The following CCDC30 variants were observed in gnomAD, a reference collection of about 807,000 sequenced individuals.
The protein encoded by CCDC30 is coiled-coil domain-containing protein 30.
A neutral mutation model predicts 100.2 loss-of-function variants in CCDC30; 70 were observed. That is an observed-to-expected ratio of 0.70 (90% CI 0.58 to 0.85). CCDC30 has a LOEUF of 0.85. Among genes scored for constraint, CCDC30 ranks in the 40% least tolerant of loss-of-function variants. The probability of loss-of-function intolerance (pLI) is 0.00; values close to 1 mark genes in which losing one functional copy is unlikely to be tolerated. For synonymous variants in CCDC30, 233 were observed against 269.5 expected, an observed-to-expected ratio of 0.86 and a Z score of 1.33; for missense variants, 652 against 771.2, an observed-to-expected ratio of 0.85 and a Z score of 1.83.
At chr1:42,537,816 A>G (rs1278249918) in intron 6 of CCDC30, 1 of 158,094 alleles carries the variant, frequency 6.3e-6, no homozygotes. Flanking sequence ...CCGAAAATAC[A>G]AAATTAGCCA....
At chr1:42,618,831 G>T (rs943043980) in intron 11 of CCDC30, among the ~76,000 whole-genome samples, 2 of 152,108 alleles carry the variant, frequency 1.3e-5, no homozygotes, top group Non-Finnish European at 2.9e-5. Flanking sequence ...CACATATCAG[G>T]CAGTAAGAAA....
chr1:42,456,645 C>A, the CCDC30 span: 1 of 1,582,998 alleles, frequency 6.3e-7, no homozygotes. Flanking sequence ...GCTCGCTTCG[C>A]GGCCAGGCTG....
At chr1:42,486,444 T>C (rs1370840418) in intron 3 of CCDC30, among the ~76,000 whole-genome samples, 1 of 152,222 alleles carries the variant, frequency 6.6e-6, no homozygotes, top group East Asian at 1.9e-4. Flanking sequence ...ATGTGGTCCA[T>C]GCAGAACACC....
intron 9 of CCDC30, among the ~76,000 whole-genome samples, chr1:42,583,222 G>A (rs1646002559): frequency 6.6e-6 from 1 of 152,166 alleles, no homozygotes; most frequent in South Asian, 2.1e-4. Context: ...AAGCATCAAT[G>A]ACTTCAGCAT....
chr1:42,629,489 G>A (rs1451843699), intron 11 of CCDC30, among the ~76,000 whole-genome samples: 1 of 152,134 alleles, frequency 6.6e-6, no homozygotes, highest in East Asian at 1.9e-4. Context: ...ATTATTAAAT[G>A]TCTTGAGGTA....
chr1:42,516,993 T>C lies in CCDC30; in HGVS notation c.456+18077T>C, dbSNP rs1644564933. 2.0e-5 allele frequency among the ~76,000 whole-genome samples: 3 copies of C among 152,240 alleles called. No individual in the cohort carries two copies. The South Asian group carries it at 6.2e-4, about 31-fold the overall frequency. On this transcript the variant is annotated intron_variant, in intron 6 of 16. Coordinates refer to ENST00000668663, the Ensembl canonical transcript of CCDC30. ...TTCTTATAAGTTTTAAAGTTCTCTG[T>C]ATATTCTAGATGTTAATATTCCTTA...
chr1:42,466,621 G>A (rs1377136971), intron 1 of CCDC30, among the ~76,000 whole-genome samples: 1 of 151,096 alleles, frequency 6.6e-6, no homozygotes, highest in Non-Finnish European at 1.5e-5. Flanking sequence ...TTGAGATCTC[G>A]GCTCACTGCA....
the CCDC30 span, chr1:42,456,552 C>T: frequency 5.7e-5 from 83 of 1,456,086 alleles, no homozygotes; most frequent in Non-Finnish European, 7.3e-5. Context: ...CAGGCGCCGG[C>T]CGCTGCGCTG....
chr1:42,528,197 A>G (rs928186730), intron 6 of CCDC30, among the ~76,000 whole-genome samples: 11 of 152,246 alleles, frequency 7.2e-5, no homozygotes, highest in Admixed American at 7.2e-4. Context: ...AATGAAGTCT[A>G]GAACAAACCA....
chr1:42,470,437 A>G (rs1338088334), intron 1 of CCDC30, among the ~76,000 whole-genome samples: 1 of 152,226 alleles, frequency 6.6e-6, no homozygotes, highest in East Asian at 1.9e-4. Context: ...ACATAGAATT[A>G]TATATCTAAC....
intron 6 of CCDC30, among the ~76,000 whole-genome samples, chr1:42,553,044 A>G (rs879902882): frequency 1.2e-4 from 18 of 152,122 alleles, no homozygotes; most frequent in African/African-American, 4.1e-4. Flanking sequence ...TAGGCTCCCA[A>G]TTTGGGCTTT....
upstream of CCDC30, among the ~76,000 whole-genome samples, chr1:42,461,170 A>AG (rs1293051820): frequency 6.6e-6 from 1 of 152,230 alleles, no homozygotes; most frequent in Non-Finnish European, 1.5e-5. Context: ...GGAGTAGGGA[A>AG]GGGTAGCCCC....
intron 6 of CCDC30, among the ~76,000 whole-genome samples, chr1:42,501,854 A>G (rs751099685): frequency 1.1e-4 from 17 of 151,932 alleles, no homozygotes; most frequent in Non-Finnish European, 2.1e-4. Flanking sequence ...ATGAGGTGTC[A>G]GTCTGCCCCT....
At chr1:42,600,888 G>A (rs1646392296) in intron 10 of CCDC30, among the ~76,000 whole-genome samples, 2 of 150,938 alleles carry the variant, frequency 1.3e-5, no homozygotes, top group African/African-American at 4.9e-5. Context: ...ACTCACTGTG[G>A]TAAGACATGT....
At position 42,500,081 on chromosome 1, in the gene CCDC30, G is replaced by A. The variant is rs557060499; in HGVS notation, c.456+1165G>A. On this transcript the variant is annotated intron_variant, in intron 6 of 16. Coordinates refer to ENST00000668663, the Ensembl canonical transcript of CCDC30. ...TCAGTAGTTCTTTGATGTGAAAGGGGCAGCACAGTCATTTAAACTTGATCC... is the reference window on the plus strand; with the variant it reads ...TCAGTAGTTCTTTGATGTGAAAGGGACAGCACAGTCATTTAAACTTGATCC... 798 of 900,580 alleles carry A rather than the reference G, an allele frequency of 8.9e-4. 4 individuals are homozygous for A. Among genetic ancestry groups the A allele is most frequent in the Non-Finnish European group, 3.9e-4 (211 of 545,018 alleles). 55.8% of individuals were successfully genotyped at this position (900,580 alleles called of 1,614,324 possible).
intron 8 of CCDC30, among the ~76,000 whole-genome samples, chr1:42,580,636 A>G (rs1645943930): frequency 6.6e-6 from 1 of 152,196 alleles, no homozygotes; most frequent in Non-Finnish European, 1.5e-5. Context: ...TTGCTGCTAC[A>G]TGAAAAAGGC....
chr1:42,613,413 C>G (rs967839613), intron 11 of CCDC30, among the ~76,000 whole-genome samples: 1 of 152,152 alleles, frequency 6.6e-6, no homozygotes, highest in Non-Finnish European at 1.5e-5. Flanking sequence ...CACTGCCACG[C>G]CCGGCTTATT....
At chr1:42,539,233 G>C in intron 6 of CCDC30, 1 of 1,610,224 alleles carries the variant, frequency 6.2e-7, no homozygotes, top group Non-Finnish European at 8.5e-7. Flanking sequence ...CAATCTTCCA[G>C]GGGAATCAGA....
intron 6 of CCDC30, among the ~76,000 whole-genome samples, chr1:42,513,926 G>T (rs1337246064): frequency 6.6e-6 from 1 of 152,134 alleles, no homozygotes; most frequent in South Asian, 2.1e-4. Flanking sequence ...TGGTGAGAGA[G>T]GGGGAAGGGC....
Sources: allele counts gnomAD v4.1 joint callset (sites outside exome capture counted in the v4.1 genomes callset), GRCh38; gene constraint gnomAD v4.1.1; transcripts MANE v1.5; gene names NCBI Gene and HGNC (gene_info 2026-07-23, HGNC 2026-07-21).